ETV5: variants seen among roughly 807,000 people sequenced by gnomAD.
ETV5 encodes ETS variant transcription factor 5, also known as ETS translocation variant 5.
Under a neutral mutation model 70.0 loss-of-function variants are expected in ETV5, and 10 were observed. The observed-to-expected ratio is 0.14, with a 90% CI of 0.09 to 0.24. The LOEUF is 0.24. Among genes scored for constraint, ETV5 ranks in the 10% least tolerant of loss-of-function variants. The pLI, the probability that ETV5 is intolerant of heterozygous loss-of-function variation, is 1.00. For synonymous variants in ETV5, 216 were observed against 242.2 expected (o/e 0.89, Z 1.01); for missense variants, 453 against 651.2 (o/e 0.70, Z 3.31).
At chr3:186,063,379 T>G (rs768779309) in intron 9 of ETV5, among the ~76,000 whole-genome samples, 1 of 152,252 alleles carries the variant, frequency 6.6e-6, no homozygotes, top group Non-Finnish European at 1.5e-5. Context: ...GGAACACTTA[T>G]GCATCTTATT....
At chr3:186,078,921 T>C (rs1160633215) in intron 7 of ETV5, 5 of 317,504 alleles carry the variant, frequency 1.6e-5, no homozygotes, top group African/African-American at 2.1e-5. Context: ...CTGGTAGGCA[T>C]CTGGAATGGA....
rs1169314997 is a variant in ETV5, at chr3:186,108,466, T to C, written c.-75+474A>G. 7.2e-6 allele frequency: 9 copies of C among 1,251,944 alleles called. No homozygotes were observed. The Middle Eastern group carries it at 6.5e-4, about 90-fold the overall frequency. The allele number at this position is 1,251,944 out of a possible 1,614,324, so 77.6% of individuals were successfully genotyped here. ...CGCAGGCTGCACTTGCCTGTGTCAT[T>C]TACCCCCTCCCGGTGCTCTGGGGGG... On this transcript the variant is annotated intron_variant, in intron 1 of 12. Coordinates refer to ENST00000306376, the MANE Select transcript of ETV5 (RefSeq NM_004454.3).
chr3:186,073,466 C>T (rs568337069), intron 7 of ETV5, among the ~76,000 whole-genome samples: 1 of 152,300 alleles, frequency 6.6e-6, no homozygotes, highest in Admixed American at 6.5e-5. Flanking sequence ...TGAGGTCACA[C>T]AGCAGCAGAG....
intron 5 of ETV5, among the ~76,000 whole-genome samples, chr3:186,093,104 A>C (rs1156973055): frequency 6.6e-6 from 1 of 152,196 alleles, no homozygotes; most frequent in Non-Finnish European, 1.5e-5. Context: ...ACAATGGAGA[A>C]ATCCAGCATA....
At chr3:186,080,989 T>C (rs1578552603) in intron 6 of ETV5, 57 bp downstream of exon 6, 1 of 1,544,784 alleles carries the variant, frequency 6.5e-7, no homozygotes, top group Non-Finnish European at 8.8e-7. Context: ...TTCAGCTTGA[T>C]GGCTACTTCC....
At chr3:186,101,324 T>C (rs1714452598) in intron 5 of ETV5, among the ~76,000 whole-genome samples, 1 of 152,176 alleles carries the variant, frequency 6.6e-6, no homozygotes. Flanking sequence ...CTCTGGTACC[T>C]AGGCTGGGGT....
intron 7 of ETV5, among the ~76,000 whole-genome samples, chr3:186,075,949 T>G (rs1046381855): frequency 6.6e-6 from 1 of 152,226 alleles, no homozygotes; most frequent in Non-Finnish European, 1.5e-5. Flanking sequence ...TATAATGAGA[T>G]ACGGTTTAAT....
chr3:186,048,731 G>C lies in ETV5; in HGVS notation c.1441C>G (p.Leu481Val). The C allele has an allele frequency of 6.2e-7, 1 of 1,614,194 alleles. No individual in the cohort carries two copies. The highest frequency in any genetic ancestry group is 1.1e-5 in the South Asian group (1 of 91,084). ...CTGTCTTCAAAGTGGGTCAGCGGCA[G>C]GGTGTCCTCCTCGCTGAGGTGGCAC... ...SECHLSEEDT[L>V]PLTHFEDSPA... Residue 481 changes from leucine (L) to valine (V), a missense_variant, in exon 13 of 13, where the codon CTG becomes GTG. By Grantham distance (32) the Leu-to-Val change is conservative (BLOSUM62 1). Around this residue, in one of 4 missense-constraint regions of ETV5, gnomAD observed 74 missense variants for 95.2 expected, o/e 0.78. Coordinates refer to ENST00000306376, the MANE Select transcript of ETV5 (RefSeq NM_004454.3).
intron 5 of ETV5, among the ~76,000 whole-genome samples, chr3:186,095,495 A>G (rs558810543): frequency 2.0e-5 from 3 of 152,344 alleles, no homozygotes; most frequent in African/African-American, 7.2e-5. Flanking sequence ...ATTCATCCTT[A>G]AAATCTGACA....
chr3:186,049,082 C>T (rs1203923370), intron 12 of ETV5, among the ~76,000 whole-genome samples: 1 of 152,180 alleles, frequency 6.6e-6, no homozygotes, highest in East Asian at 1.9e-4. Context: ...TTCGAATTCA[C>T]ACTAGATGGA....
Position 186,081,052 on chromosome 3 carries a change from T to C in ETV5, c.356A>G (p.Asn119Ser). 1 of 1,610,838 alleles carries C rather than the reference T, an allele frequency of 6.2e-7. No homozygotes were observed. Among genetic ancestry groups the C allele is most frequent in the Non-Finnish European group, 8.5e-7 (1 of 1,178,180 alleles). ...ACTCCTCTTGCCCACTCACCAATAG[T>C]TGTAGAGGCACTTTTCTCCATAGTT... ...GANYGEKCLY[N>S]YCAYDRKPPS... Residue 119 changes from asparagine to serine, a missense_variant, in exon 6 of 13, where the codon AAC becomes AGC. Physicochemically the swap from Asn to Ser is conservative, Grantham distance 46. Around this residue, in one of 4 missense-constraint regions of ETV5, gnomAD observed 307 missense variants for 344.9 expected, o/e 0.89. Transcript: ENST00000306376.
intron 8 of ETV5, among the ~76,000 whole-genome samples, chr3:186,065,238 G>C (rs1578542985): frequency 6.6e-6 from 1 of 152,192 alleles, no homozygotes; most frequent in Non-Finnish European, 1.5e-5. Flanking sequence ...TAAGGGAGTG[G>C]AGTGGGGTGC....
chr3:186,087,307 T>C (rs1400828455), intron 5 of ETV5, among the ~76,000 whole-genome samples: 3 of 152,128 alleles, frequency 2.0e-5, no homozygotes, highest in African/African-American at 4.8e-5. Context: ...AACTAATCTA[T>C]GGTGTTTGAA....
chr3:186,104,026 G>C (rs1714527959), intron 5 of ETV5, among the ~76,000 whole-genome samples: 3 of 152,204 alleles, frequency 2.0e-5, no homozygotes, highest in African/African-American at 7.2e-5. Context: ...ACAAAGCTGG[G>C]AAGAATCTGT....
chr3:186,048,803 T>C lies in ETV5; in HGVS notation c.1369A>G (p.Met457Val), dbSNP rs768544405. 8 of 1,613,914 alleles carry C rather than the reference T, an allele frequency of 5.0e-6. No individual in the cohort carries two copies. The highest frequency in any genetic ancestry group is 5.1e-6 in the Non-Finnish European group (6 of 1,179,996). ...GGACGCTGGTTATCCGGGAAAGCCA[T>C]GGAGAAGAGGGCATCTGGGTCACAG... Reference protein sequence around the residue: ...FVCDPDALFSMAFPDNQRPFL... With the variant: ...FVCDPDALFSVAFPDNQRPFL... Residue 457 changes from methionine (M) to valine (V), a missense_variant, in exon 13 of 13, where the codon ATG becomes GTG. Met to Val is a conservative substitution (Grantham distance 21). Transcript: ENST00000306376.
rs1712893327 is a variant in ETV5 at position 186,046,919 on chromosome 3, A to C, written c.*1720T>G. ...GCTAATTAGCTTCCAATAGAGGAGA[A>C]TCTCATGTTTCCATAGCTATAAAGT... On this transcript the variant is annotated 3_prime_UTR_variant, in exon 13 of 13. Coordinates refer to ENST00000306376, the MANE Select transcript of ETV5 (RefSeq NM_004454.3). The C allele has an allele frequency of 8.7e-6, 2 of 230,874 alleles. No homozygotes were observed. Among genetic ancestry groups the C allele is most frequent in the Non-Finnish European group, 8.6e-6 (1 of 116,360 alleles). The allele number at this position is 230,874 out of a possible 1,614,324, so 14.3% of individuals were successfully genotyped here.
chr3:186,090,015 T>C (rs1348573779), intron 5 of ETV5, among the ~76,000 whole-genome samples: 2 of 152,202 alleles, frequency 1.3e-5, no homozygotes, highest in East Asian at 1.9e-4. Context: ...AAAAACCATA[T>C]ATACACAGAG....
intron 11 of ETV5, among the ~76,000 whole-genome samples, chr3:186,053,339 T>A (rs1713078937): frequency 6.6e-6 from 1 of 152,208 alleles, no homozygotes; most frequent in Admixed American, 6.5e-5. Flanking sequence ...TGACCTCAAG[T>A]GACCCACCTG....
At chr3:186,076,785 C>T (rs551484312) in intron 7 of ETV5, among the ~76,000 whole-genome samples, 1 of 151,640 alleles carries the variant, frequency 6.6e-6, no homozygotes, top group East Asian at 1.9e-4. Flanking sequence ...TACGGCACAC[C>T]CAGCAAAACA....
Sources: gnomAD v4.1 joint callset for allele counts (sites outside exome capture counted in the v4.1 genomes callset) on GRCh38, gnomAD v4.1.1 for gene constraint, gnomAD v4.1.1 regional missense constraint, MANE v1.5 for transcripts, NCBI Gene and HGNC (gene_info 2026-07-23, HGNC 2026-07-21) for gene names.